The following KLHL8 variants were observed in gnomAD, a reference collection of about 807,000 sequenced individuals.
KLHL8 encodes the protein kelch like family member 8, also known as kelch-like protein 8.
KLHL8 carries 38 observed loss-of-function variants against 63.5 expected under a neutral mutation model. That is an observed-to-expected ratio of 0.60 (90% CI 0.46 to 0.78). KLHL8 has a LOEUF of 0.78. KLHL8 is among the 30% of genes least tolerant of loss of function. The pLI, the probability that KLHL8 is intolerant of heterozygous loss-of-function variation, is 0.00. For synonymous variants in KLHL8, 224 were observed against 254.3 expected, an observed-to-expected ratio of 0.88 and a Z score of 1.13; for missense variants, 566 against 752.4, an observed-to-expected ratio of 0.75 and a Z score of 2.90.
At chr4:87,171,310 T>G (rs1057163937) in intron 6 of KLHL8, among the ~76,000 whole-genome samples, 3 of 152,230 alleles carry the variant, frequency 2.0e-5, no homozygotes, top group Non-Finnish European at 4.4e-5. Context: ...GAGACATAGA[T>G]GGATATTAAT....
intron 1 of KLHL8, among the ~76,000 whole-genome samples, chr4:87,202,629 A>C (rs545094381): frequency 6.6e-6 from 1 of 152,210 alleles, no homozygotes; most frequent in South Asian, 2.1e-4. Flanking sequence ...AACTACCAAA[A>C]CTCACCCAAA....
In KLHL8 at chr4:87,170,256, A is replaced by C; in HGVS notation, c.1378-18T>G. The C allele has an allele frequency of 1.3e-6, 2 of 1,596,206 alleles. No homozygotes were observed. The highest frequency in any genetic ancestry group is 1.7e-4 in the Middle Eastern group (1 of 5,952). On this transcript the variant is annotated intron_variant, in intron 7 of 9. Transcript: ENST00000273963. The stretch of plus-strand genomic sequence containing the variant: ...ACATGGTTCTAAATGAAGAGAGTCA[A>C]ACAAAACACATTAGATTTCGAATTT...
chr4:87,171,276 C>A (rs897954730), intron 6 of KLHL8, among the ~76,000 whole-genome samples: 3 of 152,072 alleles, frequency 2.0e-5, no homozygotes, highest in African/African-American at 7.2e-5. Flanking sequence ...AATTTATAAA[C>A]CTCTACTATC....
chr4:87,184,916 T>A (rs1043677525), intron 3 of KLHL8, among the ~76,000 whole-genome samples: 10 of 152,150 alleles, frequency 6.6e-5, no homozygotes, highest in Non-Finnish European at 1.3e-4. Context: ...AAAACAATAA[T>A]TATAAAGTAT....
At chr4:87,170,753 TATC>T in intron 6 of KLHL8, 138 bp from the exon 7 acceptor site, 2 of 792,028 alleles carry the variant, frequency 2.5e-6, no homozygotes, top group Non-Finnish European at 4.0e-6. Flanking sequence ...TTTTTAGATC[TATC>T]AAAGCTTTTG....
chr4:87,179,024 T>A (rs1730945347), intron 4 of KLHL8, among the ~76,000 whole-genome samples: 1 of 152,222 alleles, frequency 6.6e-6, no homozygotes, highest in Admixed American at 6.5e-5. Flanking sequence ...AATCATCTAT[T>A]TCCTTCTATG....
At chr4:87,214,020 T>C (rs1488904245) in intron 1 of KLHL8, among the ~76,000 whole-genome samples, 1 of 152,192 alleles carries the variant, frequency 6.6e-6, no homozygotes, top group East Asian at 1.9e-4. Flanking sequence ...CTGTATCTAG[T>C]ACATAGTAAG....
At chr4:87,205,412 AACACAC>A (rs76100807) in intron 1 of KLHL8, among the ~76,000 whole-genome samples, 95 of 151,024 alleles carry the variant, frequency 6.3e-4, no homozygotes, top group East Asian at 4.3e-3. Flanking sequence ...GACTCAAGAA[AACACAC>A]ACACACACAC....
chr4:87,178,383 A>T, intron 5 of KLHL8, 94 bp downstream of exon 5: 1 of 1,255,844 alleles, frequency 8.0e-7, no homozygotes, highest in Non-Finnish European at 1.1e-6. Flanking sequence ...TTTACAATTT[A>T]GTCATTTTCT....
At chr4:87,229,970 T>C (rs1462503224) in intron 1 of KLHL8, among the ~76,000 whole-genome samples, 1 of 152,154 alleles carries the variant, frequency 6.6e-6, no homozygotes, top group Admixed American at 6.5e-5. Context: ...TCCTCAAGTT[T>C]GGCCAAACAT....
intron 1 of KLHL8, among the ~76,000 whole-genome samples, chr4:87,211,216 A>G (rs917258156): frequency 1.3e-5 from 2 of 152,236 alleles, no homozygotes; most frequent in Admixed American, 6.5e-5. Context: ...AATTTTAACT[A>G]AAGTAACACT....
chr4:87,233,598 A>C (rs1733173975), intron 1 of KLHL8, among the ~76,000 whole-genome samples: 1 of 152,052 alleles, frequency 6.6e-6, no homozygotes, highest in South Asian at 2.1e-4. Flanking sequence ...AATGTAAACA[A>C]ACTGATCAGA....
intron 1 of KLHL8, chr4:87,207,446 T>C (rs1482121527): frequency 2.8e-6 from 2 of 718,326 alleles, no homozygotes; most frequent in Middle Eastern, 2.8e-4. Flanking sequence ...AGGGTCATCA[T>C]CTCTCCCCAC....
At chr4:87,176,230 T>C (rs959473539) in intron 6 of KLHL8, among the ~76,000 whole-genome samples, 15 of 152,244 alleles carry the variant, frequency 9.9e-5, no homozygotes, top group African/African-American at 2.4e-5. Context: ...TCTTTGCCAC[T>C]GGCACTTGGG....
intron 1 of KLHL8, among the ~76,000 whole-genome samples, chr4:87,235,932 C>A (rs1733219440): frequency 1.3e-5 from 2 of 152,030 alleles, no homozygotes; most frequent in African/African-American, 4.8e-5. Context: ...GAATCGAAGG[C>A]GCCATTGGAA....
chr4:87,171,025 TC>T lies in KLHL8; in HGVS notation c.1209-411del, dbSNP rs1213461878. Among the ~76,000 whole-genome samples, 3 of 152,182 alleles carry T rather than the reference TC, an allele frequency of 2.0e-5. No individual in the cohort carries two copies. In the East Asian group the frequency reaches 5.8e-4, roughly 29 times the overall value. On this transcript the variant is annotated intron_variant, in intron 6 of 9. Coordinates refer to ENST00000273963, the MANE Select transcript of KLHL8 (RefSeq NM_020803.5). ...TTACAAATCCATGCAATTACAGAGC[TC>T]ATTTTGTTGCAGGGTTTCATTATAC... is the stretch of plus-strand genomic sequence containing the variant.
At chr4:87,224,124 C>T (rs941026729), upstream of KLHL8, among the ~76,000 whole-genome samples, 1 of 151,860 alleles carries the variant, frequency 6.6e-6, no homozygotes, top group African/African-American at 2.4e-5. Context: ...TGCAATGGCA[C>T]GATCTTGGCT....
chr4:87,209,411 C>A lies in KLHL8; in HGVS notation c.-152+11007G>T, dbSNP rs113842204. On this transcript the variant is annotated intron_variant, in intron 1 of 9. Coordinates refer to ENST00000273963, the MANE Select transcript of KLHL8 (RefSeq NM_020803.5). ...AAAGCTGATTCCTTTTTTTTTGCTC[C>A]TCTAAGTGCCAGTAAAGGCATATCG... Among the ~76,000 whole-genome samples the A allele has an allele frequency of 7.2e-3, 1,099 of 151,710 alleles. 10 individuals are homozygous for A. The highest frequency in any genetic ancestry group is 0.025 in the African/African-American group (1,047 of 41,414).
chr4:87,196,239 C>T (rs965813667), intron 1 of KLHL8, among the ~76,000 whole-genome samples: 7 of 151,876 alleles, frequency 4.6e-5, no homozygotes, highest in Admixed American at 6.6e-5. Context: ...CTAAGTAGAC[C>T]GTATTTTACT....
Sources: allele counts gnomAD v4.1 joint callset (sites outside exome capture counted in the v4.1 genomes callset), GRCh38; gene constraint gnomAD v4.1.1; transcripts MANE v1.5; gene names NCBI Gene and HGNC (gene_info 2026-07-23, HGNC 2026-07-21).